Variants in WNT7A observed in about 807,000 individuals in gnomAD.
WNT7A encodes Wnt family member 7A, also known as protein Wnt-7a.
In WNT7A, 16 loss-of-function variants were observed where a neutral mutation model predicts 28.2. That is an observed-to-expected ratio of 0.57 (90% CI 0.38 to 0.86). The LOEUF (loss-of-function observed/expected upper bound fraction) is 0.86, where lower values mean the gene tolerates loss of function less well. Ranked by LOEUF, WNT7A falls within the 40% of genes least tolerant of loss-of-function variation. The pLI is 0.00. For missense variants in WNT7A, 411 were observed against 489.7 expected, an observed-to-expected ratio of 0.84 and a Z score of 1.52; for synonymous variants, 190 against 195.9, an observed-to-expected ratio of 0.97 and a Z score of 0.25.
chr3:13,835,178 G>A (rs889044052), intron 3 of WNT7A, among the ~76,000 whole-genome samples: 5 of 152,214 alleles, frequency 3.3e-5, no homozygotes, highest in African/African-American at 7.2e-5. Flanking sequence ...CTGGAGGGCC[G>A]GCGGGGTCTT....
intron 2 of WNT7A, among the ~76,000 whole-genome samples, chr3:13,855,200 A>T (rs1050474301): frequency 5.3e-5 from 8 of 152,190 alleles, no homozygotes; most frequent in Non-Finnish European, 7.4e-5. Flanking sequence ...CGTTTCCCCA[A>T]CACCCACAGA....
intron 3 of WNT7A, among the ~76,000 whole-genome samples, chr3:13,851,865 A>G (rs1216392536): frequency 6.6e-6 from 1 of 152,206 alleles, no homozygotes; most frequent in African/African-American, 2.4e-5. Context: ...ACTGATTTCA[A>G]TCCAAAGTAC....
intron 2 of WNT7A, among the ~76,000 whole-genome samples, chr3:13,868,810 A>AAGAG (rs759704550): frequency 4.8e-4 from 22 of 45,540 alleles, no homozygotes; most frequent in Non-Finnish European, 6.9e-4. Flanking sequence ...GAGAGAAAGA[A>AAGAG]AGAGAGAGAG....
Position 13,879,943 on chromosome 3 carries a change from GC to G in WNT7A, c.-128del, listed in dbSNP as rs1695184458. ...GGCGTCCCCGGGGCCGTCTGTCGGT[GC>G]GCCCGTCCGCGCGCTCCGCGCCTGA... On this transcript the variant is annotated 5_prime_UTR_variant, in exon 1 of 4. Coordinates refer to ENST00000285018, the MANE Select transcript of WNT7A (RefSeq NM_004625.4). 5 of 622,768 alleles carry G rather than the reference GC, an allele frequency of 8.0e-6. No homozygotes were observed. In the Middle Eastern group the frequency reaches 1.5e-3, roughly 187 times the overall value. The allele number at this position is 622,768 out of a possible 1,614,324, so 38.6% of individuals were successfully genotyped here.
At chr3:13,864,351 T>TAC (rs1314160701) in intron 2 of WNT7A, among the ~76,000 whole-genome samples, 1 of 152,084 alleles carries the variant, frequency 6.6e-6, no homozygotes, top group Non-Finnish European at 1.5e-5. Flanking sequence ...CTACCCTCCC[T>TAC]ACGCTACGCC....
chr3:13,852,460 C>G (rs1341961649), intron 3 of WNT7A, among the ~76,000 whole-genome samples: 1 of 152,186 alleles, frequency 6.6e-6, no homozygotes, highest in Non-Finnish European at 1.5e-5. Flanking sequence ...GGTCCCATGC[C>G]TTTGAGTAAA....
chr3:13,829,717 G>T (rs1170542442), intron 3 of WNT7A, among the ~76,000 whole-genome samples: 1 of 152,190 alleles, frequency 6.6e-6, no homozygotes, highest in Non-Finnish European at 1.5e-5. Flanking sequence ...GGGAGACAAG[G>T]AGGGCAGGGG....
rs1249892158 is a variant in WNT7A, at chr3:13,879,828, G to T, written c.-12C>A. ...GCTTTCCGGTTCATAGTCCCGATTG[G>T]CCGCCGGGGCCGCGGGCCGGGCTGT... On this transcript the variant is annotated 5_prime_UTR_variant, in exon 1 of 4. Coordinates refer to ENST00000285018, the MANE Select transcript of WNT7A (RefSeq NM_004625.4). The T allele has an allele frequency of 1.9e-6, 3 of 1,607,174 alleles. No individual in the cohort carries two copies. The highest frequency in any genetic ancestry group is 2.5e-6 in the Non-Finnish European group (3 of 1,176,724).
chr3:13,848,061 ATT>A (rs1195045650), intron 3 of WNT7A, among the ~76,000 whole-genome samples: 295 of 140,042 alleles, frequency 2.1e-3, no homozygotes, highest in African/African-American at 7.9e-3. Context: ...AAATTAATGA[ATT>A]TTTTAAAAAA....
intron 3 of WNT7A, among the ~76,000 whole-genome samples, chr3:13,826,867 C>T (rs1694204527): frequency 6.6e-6 from 1 of 152,174 alleles, no homozygotes; most frequent in Non-Finnish European, 1.5e-5. Context: ...ACTCTGGGGC[C>T]ATATTAACTA....
At chr3:13,870,981 G>A (rs2124876750) in intron 2 of WNT7A, among the ~76,000 whole-genome samples, 1 of 152,324 alleles carries the variant, frequency 6.6e-6, no homozygotes, top group Middle Eastern at 3.4e-3. Context: ...CTCTATGCAG[G>A]AAAACTGAAT....
rs375248075 is a variant in WNT7A at position 13,818,389 on chromosome 3, T to C, written c.*555A>G. On this transcript the variant is annotated 3_prime_UTR_variant, in exon 4 of 4. Transcript: ENST00000285018. ...AAAAATGTGTGTGTGTATATCTATA[T>C]ATGCATAAAAGATGTCTCCTCTTGT... The C allele has an allele frequency of 1.7e-5, 2 of 116,480 alleles. No individual in the cohort carries two copies. Among genetic ancestry groups the C allele is most frequent in the East Asian group, 2.5e-4 (1 of 4,044 alleles). 7.2% of individuals were successfully genotyped at this position (116,480 alleles called of 1,614,324 possible).
intron 2 of WNT7A, among the ~76,000 whole-genome samples, chr3:13,859,922 T>A (rs1694801548): frequency 6.6e-6 from 1 of 152,210 alleles, no homozygotes; most frequent in Non-Finnish European, 1.5e-5. Context: ...ATGGGGGAAC[T>A]GAGGCTCCAA....
intron 3 of WNT7A, among the ~76,000 whole-genome samples, chr3:13,831,465 A>G (rs902672339): frequency 2.6e-5 from 4 of 152,200 alleles, no homozygotes; most frequent in Admixed American, 6.5e-5. Flanking sequence ...GCCGAACAGA[A>G]GGAAGGTGGG....
At chr3:13,848,976 G>T (rs1250560297) in intron 3 of WNT7A, among the ~76,000 whole-genome samples, 1 of 152,236 alleles carries the variant, frequency 6.6e-6, no homozygotes, top group African/African-American at 2.4e-5. Context: ...TGTGCTGAAT[G>T]AAAAGAAGCT....
chr3:13,862,558 A>G (rs1420669055), intron 2 of WNT7A, among the ~76,000 whole-genome samples: 1 of 152,262 alleles, frequency 6.6e-6, no homozygotes, highest in African/African-American at 2.4e-5. Flanking sequence ...GCCCCGTGGC[A>G]TGGCAGTTCA....
Position 13,849,853 on chromosome 3 carries a change from C to T in WNT7A, c.570+4679G>A, listed in dbSNP as rs758735380. 4.6e-5 allele frequency among the ~76,000 whole-genome samples: 7 copies of T among 152,296 alleles called. No homozygotes were observed. In the East Asian group the frequency reaches 1.4e-3, roughly 29 times the overall value. ...CGGCCTGTGCAATGGCCCTGAGGTG[C>T]GAACAAGCTTGGTTGACTGCAGGAG... On this transcript the variant is annotated intron_variant, in intron 3 of 3. Coordinates refer to ENST00000285018, the MANE Select transcript of WNT7A (RefSeq NM_004625.4).
rs1185328079 is a variant in WNT7A, at chr3:13,879,851, T to A, written c.-35A>T. ...TGGCCGCCGGGGCCGCGGGCCGGGC[T>A]GTGCTGATCCCGCGGGCCGGCCCCG... is the stretch of plus-strand genomic sequence containing the variant. On this transcript the variant is annotated 5_prime_UTR_variant, in exon 1 of 4. Coordinates refer to ENST00000285018, the MANE Select transcript of WNT7A (RefSeq NM_004625.4). 1 of 1,555,096 alleles carries A rather than the reference T, an allele frequency of 6.4e-7. No homozygotes were observed. Among genetic ancestry groups the A allele is most frequent in the African/African-American group, 1.4e-5 (1 of 71,848 alleles).
chr3:13,826,740 A>T (rs1472968477), intron 3 of WNT7A, among the ~76,000 whole-genome samples: 1 of 152,196 alleles, frequency 6.6e-6, no homozygotes, highest in Non-Finnish European at 1.5e-5. Flanking sequence ...AGGGCTAAAC[A>T]TCTACAATTT....
Sources: gnomAD v4.1 joint callset for allele counts (sites outside exome capture counted in the v4.1 genomes callset) on GRCh38, gnomAD v4.1.1 for gene constraint, MANE v1.5 for transcripts, NCBI Gene and HGNC (gene_info 2026-07-23, HGNC 2026-07-21) for gene names.